The following NKAIN3 variants were observed in gnomAD, a reference collection of about 807,000 sequenced individuals.
The protein encoded by NKAIN3 is sodium/potassium transporting ATPase interacting 3, also known as sodium/potassium-transporting ATPase subunit beta-1-interacting protein 3.
A neutral mutation model predicts 30.2 loss-of-function variants in NKAIN3; 25 were observed. That is an observed-to-expected ratio of 0.83 (90% CI 0.60 to 1.16). The LOEUF (loss-of-function observed/expected upper bound fraction) is 1.16. Ranked by LOEUF, NKAIN3 falls within the 50% of genes most tolerant of loss-of-function variation. The probability of loss-of-function intolerance (pLI) is 0.00; values close to 1 mark genes in which losing one functional copy is unlikely to be tolerated. For synonymous variants in NKAIN3, 91 were observed against 89.6 expected, an observed-to-expected ratio of 1.02 and a Z score of -0.09; for missense variants, 225 against 254.1, an observed-to-expected ratio of 0.89 and a Z score of 0.78.
intron 1 of NKAIN3, among the ~76,000 whole-genome samples, chr8:62,255,955 G>C (rs1812248522): frequency 6.6e-6 from 1 of 152,150 alleles, no homozygotes; most frequent in African/African-American, 2.4e-5. Flanking sequence ...GTAGATCGAG[G>C]TTTGGGAACG....
At chr8:62,838,905 T>A (rs1374810262) in intron 4 of NKAIN3, among the ~76,000 whole-genome samples, 2 of 152,112 alleles carry the variant, frequency 1.3e-5, no homozygotes, top group East Asian at 3.9e-4. Context: ...AACTTTTAGC[T>A]TTGGATAACT....
intron 5 of NKAIN3, among the ~76,000 whole-genome samples, chr8:62,992,470 T>G (rs1824340976): frequency 6.6e-6 from 1 of 152,114 alleles, no homozygotes; most frequent in Admixed American, 6.5e-5. Context: ...CTGAGTTCTC[T>G]TGCCTTTATA....
At chr8:62,296,565 A>G (rs189878711) in intron 1 of NKAIN3, among the ~76,000 whole-genome samples, 5 of 152,336 alleles carry the variant, frequency 3.3e-5, no homozygotes, top group Admixed American at 6.5e-5. Context: ...TTTTACAGTT[A>G]TTGTAATTAA....
rs1055857134 is a variant in NKAIN3 at position 62,969,979 on chromosome 8, G to C, written c.*4572G>C. Among the ~76,000 whole-genome samples the C allele has an allele frequency of 2.0e-5, 3 of 152,130 alleles. No homozygotes were observed. Among genetic ancestry groups the C allele is most frequent in the Non-Finnish European group, 4.4e-5 (3 of 68,022 alleles). Reference sequence around the variant, plus strand: ...GGAAGTTGAGATGAAAGAATCACTTGAGGCCAGGAGTTCAAGACCAGCTTG... The same window carrying C: ...GGAAGTTGAGATGAAAGAATCACTTCAGGCCAGGAGTTCAAGACCAGCTTG... On this transcript the variant is annotated 3_prime_UTR_variant, in exon 7 of 7. Transcript: ENST00000623646.
intron 3 of NKAIN3, among the ~76,000 whole-genome samples, chr8:62,667,332 T>TTATATATATATG (rs927315795): frequency 1.8e-5 from 2 of 111,384 alleles, no homozygotes; most frequent in Non-Finnish European, 3.6e-5. Flanking sequence ...TATATATTCT[T>TTATATATATATG]TATATATATA....
chr8:62,806,390 A>G (rs1179133632), intron 4 of NKAIN3, among the ~76,000 whole-genome samples: 1 of 152,230 alleles, frequency 6.6e-6, no homozygotes, highest in African/African-American at 2.4e-5. Flanking sequence ...AATAGCAAGG[A>G]CTTTGAACCA....
In NKAIN3 at chr8:62,326,543, T is replaced by C. The variant is rs139366373; in HGVS notation, c.54+77416T>C. Among the ~76,000 whole-genome samples the C allele has an allele frequency of 4.0e-3, 613 of 151,776 alleles. 3 individuals carry two copies. The highest frequency in any genetic ancestry group is 0.014 in the African/African-American group (586 of 41,518). ...CTTCTACATGTGCAAAGCTCACTATTAAATTATTATTTAATAATTATTAAT... is the reference window on the plus strand; with the variant it reads ...CTTCTACATGTGCAAAGCTCACTATCAAATTATTATTTAATAATTATTAAT... On this transcript the variant is annotated intron_variant, in intron 1 of 6. Coordinates refer to ENST00000623646, the MANE Select transcript of NKAIN3 (RefSeq NM_001304533.3).
chr8:62,653,165 G>A (rs1812674131), intron 3 of NKAIN3, among the ~76,000 whole-genome samples: 1 of 152,192 alleles, frequency 6.6e-6, no homozygotes. Flanking sequence ...TAACAGAAAT[G>A]TATTTTCCCA....
chr8:62,345,622 T>TATATACACATATATGTATATATACAC (rs1585706501), intron 1 of NKAIN3, among the ~76,000 whole-genome samples: 2 of 129,838 alleles, frequency 1.5e-5, no homozygotes, highest in African/African-American at 7.4e-5. Flanking sequence ...TATACACACA[T>TATATACACATATATGTATATATACAC]ATATATACAC....
At chr8:62,258,706 C>G (rs931843714) in intron 1 of NKAIN3, among the ~76,000 whole-genome samples, 3 of 152,014 alleles carry the variant, frequency 2.0e-5, no homozygotes, top group East Asian at 1.9e-4. Flanking sequence ...GCACTTAATA[C>G]AAATCATTCG....
In NKAIN3 at chr8:62,355,548, G is replaced by A. The variant is rs143328898; in HGVS notation, c.54+106421G>A. On this transcript the variant is annotated intron_variant, in intron 1 of 6. Transcript: ENST00000623646. ...ACTCAGCATCACAGATGATTTTCCT[G>A]TTTTCTCAATTTTTCTAATATTTGT... is the stretch of plus-strand genomic sequence containing the variant. Among the ~76,000 whole-genome samples the A allele has an allele frequency of 3.5e-3, 529 of 152,172 alleles. 3 individuals carry two copies. Among genetic ancestry groups the A allele is most frequent in the African/African-American group, 0.012 (481 of 41,522 alleles).
At chr8:62,373,254 T>A (rs1250989444) in intron 1 of NKAIN3, among the ~76,000 whole-genome samples, 1 of 152,182 alleles carries the variant, frequency 6.6e-6, no homozygotes, top group Non-Finnish European at 1.5e-5. Context: ...ATAAAAAACA[T>A]TTTATGTTGA....
At chr8:62,412,050 G>T (rs1804254329) in intron 1 of NKAIN3, among the ~76,000 whole-genome samples, 1 of 151,708 alleles carries the variant, frequency 6.6e-6, no homozygotes, top group African/African-American at 2.4e-5. Context: ...AAATGAGAAG[G>T]AAAAAAATAA....
chr8:62,349,374 G>T (rs1483807767), intron 1 of NKAIN3, among the ~76,000 whole-genome samples: 1 of 152,060 alleles, frequency 6.6e-6, no homozygotes, highest in Non-Finnish European at 1.5e-5. Flanking sequence ...TTTAAGCCTG[G>T]GTTGAAGCAA....
At chr8:62,950,313 G>T (rs1585613478) in intron 5 of NKAIN3, among the ~76,000 whole-genome samples, 1 of 152,084 alleles carries the variant, frequency 6.6e-6, no homozygotes, top group East Asian at 1.9e-4. Flanking sequence ...CAAATGGAAG[G>T]TATTGATGCA....
intron 4 of NKAIN3, among the ~76,000 whole-genome samples, chr8:62,762,514 A>G (rs770343667): frequency 2.0e-5 from 3 of 152,166 alleles, no homozygotes; most frequent in Non-Finnish European, 4.4e-5. Flanking sequence ...AATTTAAGAC[A>G]TTAGGATGGT....
intron 4 of NKAIN3, chr8:62,863,488 C>A (rs945731608): frequency 8.2e-5 from 127 of 1,544,786 alleles, no homozygotes; most frequent in Non-Finnish European, 1.0e-4. Context: ...ACTCTTCAGA[C>A]AACGTACTGG....
intron 4 of NKAIN3, among the ~76,000 whole-genome samples, chr8:62,867,906 A>G (rs1394808219): frequency 6.6e-6 from 1 of 152,258 alleles, no homozygotes; most frequent in Non-Finnish European, 1.5e-5. Flanking sequence ...CTGAAAATAT[A>G]TACATATATT....
chr8:62,584,947 G>A (rs1810424381), intron 2 of NKAIN3, among the ~76,000 whole-genome samples: 1 of 152,148 alleles, frequency 6.6e-6, no homozygotes, highest in Non-Finnish European at 1.5e-5. Flanking sequence ...CTGTGTTCTA[G>A]GCCAATTCCT....
Sources: allele counts gnomAD v4.1 joint callset (sites outside exome capture counted in the v4.1 genomes callset), GRCh38; gene constraint gnomAD v4.1.1; transcripts MANE v1.5; gene names NCBI Gene and HGNC (gene_info 2026-07-23, HGNC 2026-07-21).